Variants in SLC37A1 observed in about 807,000 individuals in gnomAD.
SLC37A1 encodes the protein solute carrier family 37 member 1, also known as glucose-6-phosphate exchanger SLC37A1.
In SLC37A1, 49 loss-of-function variants were observed where a neutral mutation model predicts 75.3. The ratio of observed to expected loss-of-function variants is 0.65; its 90% CI spans 0.52 to 0.83. The LOEUF is 0.83. SLC37A1 is among the 40% of genes least tolerant of loss of function. The pLI is 0.00. For missense variants in SLC37A1, 566 were observed against 695.0 expected, an observed-to-expected ratio of 0.81 and a Z score of 2.09; for synonymous variants, 268 against 292.1, an observed-to-expected ratio of 0.92 and a Z score of 0.84.
intron 5 of SLC37A1, among the ~76,000 whole-genome samples, chr21:42,535,992 G>A (rs1273535583): frequency 2.0e-5 from 3 of 152,246 alleles, no homozygotes; most frequent in Non-Finnish European, 4.4e-5. Context: ...AGTTGACACA[G>A]GATGTGCTGA....
At chr21:42,550,400 CAAG>C (rs1438519904) in intron 9 of SLC37A1, among the ~76,000 whole-genome samples, 1 of 152,150 alleles carries the variant, frequency 6.6e-6, no homozygotes, top group African/African-American at 2.4e-5. Flanking sequence ...AAAACTGACT[CAAG>C]AGAGGAGGAA....
At chr21:42,532,759 G>A (rs1273142758) in intron 3 of SLC37A1, among the ~76,000 whole-genome samples, 1 of 152,134 alleles carries the variant, frequency 6.6e-6, no homozygotes, top group Non-Finnish European at 1.5e-5. Context: ...AGCAGTTGGG[G>A]AGCAAATGAA....
chr21:42,539,671 A>G, intron 6 of SLC37A1, 24 bp downstream of exon 6: 2 of 1,603,792 alleles, frequency 1.2e-6, no homozygotes, highest in Non-Finnish European at 1.7e-6. Flanking sequence ...TCCGTGGCTC[A>G]CCATGTACGG....
chr21:42,572,233 TTC>T (rs2056191071), intron 17 of SLC37A1, among the ~76,000 whole-genome samples: 2 of 150,164 alleles, frequency 1.3e-5, no homozygotes, highest in South Asian at 4.2e-4. Context: ...CTTCTCTTTT[TTC>T]TCTTAGATCT....
chr21:42,544,619 G>A (rs1389015486), intron 8 of SLC37A1, among the ~76,000 whole-genome samples: 7 of 152,150 alleles, frequency 4.6e-5, no homozygotes, highest in African/African-American at 1.4e-4. Context: ...CCCTTTCCCC[G>A]CTTCTGCAGA....
At chr21:42,541,831 T>A (rs1385491823) in intron 6 of SLC37A1, among the ~76,000 whole-genome samples, 1 of 152,184 alleles carries the variant, frequency 6.6e-6, no homozygotes. Flanking sequence ...AGCCTTGACC[T>A]CCCAGGCTCA....
intron 2 of SLC37A1, among the ~76,000 whole-genome samples, chr21:42,523,906 T>C (rs1249994658): frequency 6.6e-6 from 1 of 151,724 alleles, no homozygotes; most frequent in East Asian, 1.9e-4. Context: ...CCTTTTTTTT[T>C]TTAAGAAAAA....
chr21:42,572,677 C>CAAAAAA (rs552610279), intron 17 of SLC37A1, among the ~76,000 whole-genome samples: 2 of 80,510 alleles, frequency 2.5e-5, no homozygotes, highest in African/African-American at 4.0e-5. Context: ...CACACACACA[C>CAAAAAA]AAAAAAAAAA....
At chr21:42,577,660 G>T (rs903108669) in intron 18 of SLC37A1, among the ~76,000 whole-genome samples, 11 of 152,062 alleles carry the variant, frequency 7.2e-5, no homozygotes, top group African/African-American at 2.4e-4. Context: ...AAAAAAACAG[G>T]GTAAATACAG....
At chr21:42,530,809 T>C (rs957057899) in intron 3 of SLC37A1, among the ~76,000 whole-genome samples, 2 of 152,158 alleles carry the variant, frequency 1.3e-5, no homozygotes, top group Admixed American at 6.5e-5. Context: ...GATAATCTCC[T>C]CTATTGGAGG....
intron 3 of SLC37A1, among the ~76,000 whole-genome samples, chr21:42,531,476 A>G (rs1398864894): frequency 6.6e-6 from 1 of 152,196 alleles, no homozygotes; most frequent in Non-Finnish European, 1.5e-5. Context: ...TCAGTTTTTA[A>G]TATCTACCTG....
chr21:42,572,819 G>C (rs896549483), intron 17 of SLC37A1, among the ~76,000 whole-genome samples: 1 of 151,964 alleles, frequency 6.6e-6, no homozygotes, highest in African/African-American at 2.4e-5. Flanking sequence ...GCTCCCTCCT[G>C]CCAGCTTGCT....
At chr21:42,524,511 G>A (rs1185225377) in intron 2 of SLC37A1, among the ~76,000 whole-genome samples, 3 of 152,176 alleles carry the variant, frequency 2.0e-5, no homozygotes, top group Admixed American at 1.3e-4. Flanking sequence ...CTCTTTGAGG[G>A]CCGTGAAATA....
intron 5 of SLC37A1, among the ~76,000 whole-genome samples, chr21:42,536,193 T>C (rs1008497073): frequency 5.3e-5 from 8 of 152,236 alleles, no homozygotes; most frequent in African/African-American, 1.9e-4. Flanking sequence ...GAACCCCAGC[T>C]CTACCACCTG....
intron 3 of SLC37A1, among the ~76,000 whole-genome samples, chr21:42,534,431 C>G (rs560933070): frequency 6.6e-6 from 1 of 152,142 alleles, no homozygotes; most frequent in African/African-American, 2.4e-5. Context: ...GGCTCGTCTT[C>G]TGGTGGCATA....
chr21:42,570,033 G>A (rs1024546746), intron 17 of SLC37A1, among the ~76,000 whole-genome samples: 1 of 149,906 alleles, frequency 6.7e-6, no homozygotes, highest in Non-Finnish European at 1.5e-5. Context: ...TGTGACACAC[G>A]GCCTGATTCT....
intron 2 of SLC37A1, among the ~76,000 whole-genome samples, chr21:42,503,540 C>T (rs924362549): frequency 6.6e-6 from 1 of 152,176 alleles, no homozygotes; most frequent in African/African-American, 2.4e-5. Flanking sequence ...TGAGCCACCA[C>T]ACCCAGCCTC....
chr21:42,503,617 T>C (rs936054314), intron 2 of SLC37A1, among the ~76,000 whole-genome samples: 2 of 152,174 alleles, frequency 1.3e-5, no homozygotes, highest in Non-Finnish European at 2.9e-5. Flanking sequence ...TCATGTTTCT[T>C]GGGTGACTAC....
At chr21:42,559,995 G>A (rs970750691) in intron 11 of SLC37A1, among the ~76,000 whole-genome samples, 13 of 152,172 alleles carry the variant, frequency 8.5e-5, no homozygotes, top group East Asian at 3.9e-4. Context: ...AGGGAAGAAC[G>A]AGTAGCACAG....
Sources: gnomAD v4.1 joint callset for allele counts (sites outside exome capture counted in the v4.1 genomes callset) on GRCh38, gnomAD v4.1.1 for gene constraint, MANE v1.5 for transcripts, NCBI Gene and HGNC (gene_info 2026-07-23, HGNC 2026-07-21) for gene names.